Variants in CDH13 observed in about 807,000 individuals in gnomAD.
The protein encoded by CDH13 is cadherin 13, also known as cadherin-13.
A neutral mutation model predicts 63.8 loss-of-function variants in CDH13; 24 were observed. The observed-to-expected ratio is 0.38, with a 90% CI of 0.27 to 0.53. The LOEUF (loss-of-function observed/expected upper bound fraction) is 0.53. Ranked by LOEUF, CDH13 falls within the 20% of genes least tolerant of loss-of-function variation. The pLI, the probability that CDH13 is intolerant of heterozygous loss-of-function variation, is 0.85. For missense variants in CDH13, 1,049 were observed against 903.1 expected (o/e 1.16, Z -2.07); for synonymous variants, 503 against 355.3 (o/e 1.42, Z -4.67).
At chr16:83,766,183 C>G (rs187839155) in intron 11 of CDH13, among the ~76,000 whole-genome samples, 4 of 152,116 alleles carry the variant, frequency 2.6e-5, no homozygotes, top group Non-Finnish European at 5.9e-5. Flanking sequence ...GACCTCTGCC[C>G]CACCACACAC....
chr16:83,032,979 A>C (rs928121641), intron 3 of CDH13, among the ~76,000 whole-genome samples: 10 of 152,208 alleles, frequency 6.6e-5, no homozygotes, highest in African/African-American at 2.4e-4. Flanking sequence ...ACATATGTGT[A>C]CATGTATATA....
At chr16:83,583,717 C>T (rs1358810338) in intron 7 of CDH13, among the ~76,000 whole-genome samples, 1 of 150,340 alleles carries the variant, frequency 6.7e-6, no homozygotes, top group Non-Finnish European at 1.5e-5. Context: ...AGACCAGCCT[C>T]GTCAACATGG....
intron 6 of CDH13, among the ~76,000 whole-genome samples, chr16:83,352,626 C>A (rs868130147): frequency 6.6e-6 from 1 of 152,212 alleles, no homozygotes; most frequent in African/African-American, 2.4e-5. Flanking sequence ...TGCGGTGGCT[C>A]ACGCCTATAA....
In CDH13 at chr16:82,868,388, A is replaced by G. The variant is rs139931730; in HGVS notation, c.157+9915A>G. Among the ~76,000 whole-genome samples, 1,446 of 152,336 alleles carry G rather than the reference A, an allele frequency of 9.5e-3. 26 individuals carry two copies. The highest frequency in any genetic ancestry group is 0.033 in the African/African-American group (1,362 of 41,560). ...TAGTAAGTCAATTAATAATGATTAG[A>G]AACCTCATAAATGCATTATCCTACC... On this transcript the variant is annotated intron_variant, in intron 2 of 13. Coordinates refer to ENST00000567109, the MANE Select transcript of CDH13 (RefSeq NM_001257.5).
intron 3 of CDH13, among the ~76,000 whole-genome samples, chr16:83,040,638 A>G (rs1300924490): frequency 6.6e-6 from 1 of 152,178 alleles, no homozygotes; most frequent in East Asian, 1.9e-4. Flanking sequence ...ACCCAGACTG[A>G]GGGTGGGTCT....
intron 1 of CDH13, among the ~76,000 whole-genome samples, chr16:82,842,553 A>G (rs1441931907): frequency 6.6e-6 from 1 of 151,958 alleles, no homozygotes; most frequent in Non-Finnish European, 1.5e-5. Context: ...AGTTAATTCT[A>G]ATCTCTATTT....
At chr16:82,803,092 TA>T (rs756257778) in intron 1 of CDH13, among the ~76,000 whole-genome samples, 1 of 152,186 alleles carries the variant, frequency 6.6e-6, no homozygotes, top group Non-Finnish European at 1.5e-5. Context: ...TCCAGGTTTA[TA>T]AAAAGGCGAA....
At chr16:83,367,739 A>T (rs896702656) in intron 6 of CDH13, among the ~76,000 whole-genome samples, 1 of 152,170 alleles carries the variant, frequency 6.6e-6, no homozygotes, top group African/African-American at 2.4e-5. Context: ...CTTTTTCAAG[A>T]TTGCTTTGCC....
intron 8 of CDH13, among the ~76,000 whole-genome samples, chr16:83,662,117 T>A (rs191559803): frequency 2.0e-5 from 3 of 152,180 alleles, no homozygotes; most frequent in African/African-American, 7.2e-5. Context: ...GGGATGCCAA[T>A]GGGTTTTGGA....
At chr16:82,870,257 A>G (rs113561477) in intron 2 of CDH13, among the ~76,000 whole-genome samples, 2 of 152,298 alleles carry the variant, frequency 1.3e-5, no homozygotes, top group African/African-American at 2.4e-5. Flanking sequence ...AAAAATGTAT[A>G]TATAAACATA....
intron 4 of CDH13, among the ~76,000 whole-genome samples, chr16:83,184,849 C>T (rs8060723): frequency 0.051 from 7,739 of 151,822 alleles, 631 homozygotes; most frequent in African/African-American, 0.18. Context: ...ACTATATATA[C>T]ATTAGCTCAT....
intron 1 of CDH13, among the ~76,000 whole-genome samples, chr16:82,641,566 G>A (rs528796376): frequency 9.9e-5 from 15 of 152,234 alleles, no homozygotes; most frequent in Admixed American, 8.5e-4. Flanking sequence ...TTAGGGCCTC[G>A]TCTTTGACAT....
intron 7 of CDH13, among the ~76,000 whole-genome samples, chr16:83,553,058 G>A (rs1474068749): frequency 4.1e-5 from 6 of 145,404 alleles, no homozygotes; most frequent in African/African-American, 1.0e-4. Context: ...TAGCCTGGGC[G>A]ACAGAGTGAG....
At chr16:83,575,417 C>T (rs925983649) in intron 7 of CDH13, among the ~76,000 whole-genome samples, 4 of 152,172 alleles carry the variant, frequency 2.6e-5, no homozygotes, top group Non-Finnish European at 4.4e-5. Context: ...AAATCACCAC[C>T]GCAGGGATCC....
chr16:82,779,871 G>A (rs967131216), intron 1 of CDH13, among the ~76,000 whole-genome samples: 6 of 152,088 alleles, frequency 3.9e-5, no homozygotes, highest in Non-Finnish European at 7.4e-5. Flanking sequence ...ATTTTGTCAC[G>A]AGGTAACTTT....
At chr16:83,550,460 G>T (rs1448299710) in intron 7 of CDH13, among the ~76,000 whole-genome samples, 1 of 152,352 alleles carries the variant, frequency 6.6e-6, no homozygotes, top group Admixed American at 6.5e-5. Flanking sequence ...GCTGGTGGCA[G>T]TGTCTTAATG....
rs150455903 is a variant in CDH13, at chr16:82,981,690, T to C, written c.158-50320T>C. 7.6e-4 allele frequency among the ~76,000 whole-genome samples: 116 copies of C among 152,348 alleles called. 1 individual carries two copies. The highest frequency in any genetic ancestry group is 2.6e-3 in the African/African-American group (107 of 41,582). On this transcript the variant is annotated intron_variant, in intron 2 of 13. Coordinates refer to ENST00000567109, the MANE Select transcript of CDH13 (RefSeq NM_001257.5). The stretch of plus-strand genomic sequence containing the variant: ...ATAAAATTTTAAAAAATCCATTTTC[T>C]ACCTTTCTTGCAAGTGCTTTTATGT...
chr16:82,929,507 C>A (rs549545744), intron 2 of CDH13, among the ~76,000 whole-genome samples: 2 of 151,458 alleles, frequency 1.3e-5, no homozygotes, highest in Non-Finnish European at 2.9e-5. Flanking sequence ...AAAAAATTAG[C>A]TGGGCATGGT....
At chr16:83,033,181 C>T (rs1203362364) in intron 3 of CDH13, among the ~76,000 whole-genome samples, 1 of 152,110 alleles carries the variant, frequency 6.6e-6, no homozygotes, top group African/African-American at 2.4e-5. Flanking sequence ...TATCTCAAAG[C>T]TAACCTGCCC....
Sources: gnomAD v4.1 joint callset for allele counts (sites outside exome capture counted in the v4.1 genomes callset) on GRCh38, gnomAD v4.1.1 for gene constraint, MANE v1.5 for transcripts, NCBI Gene and HGNC (gene_info 2026-07-23, HGNC 2026-07-21) for gene names.